The following USP47 variants were observed in gnomAD, a reference collection of about 807,000 sequenced individuals.
USP47 encodes the protein ubiquitin specific peptidase 47, also known as ubiquitin carboxyl-terminal hydrolase 47.
Under a neutral mutation model 165.1 loss-of-function variants are expected in USP47, and 35 were observed. The observed-to-expected ratio is 0.21, with a 90% CI of 0.16 to 0.28. The LOEUF (loss-of-function observed/expected upper bound fraction) is 0.28, where lower values mean the gene tolerates loss of function less well. Among genes scored for constraint, USP47 ranks in the 10% least tolerant of loss-of-function variants. The probability of loss-of-function intolerance (pLI) is 1.00; values close to 1 mark genes in which losing one functional copy is unlikely to be tolerated. For missense variants in USP47, 1,277 were observed against 1,607.4 expected (o/e 0.79, Z 3.52); for synonymous variants, 531 against 544.5 (o/e 0.98, Z 0.35).
chr11:11,871,100 T>G (rs1363462786), intron 1 of USP47, among the ~76,000 whole-genome samples: 1 of 152,150 alleles, frequency 6.6e-6, no homozygotes, highest in Non-Finnish European at 1.5e-5. Context: ...CTTCCTAAGG[T>G]TGGACCAGAG....
chr11:11,870,844 C>T (rs1849992113), intron 1 of USP47, among the ~76,000 whole-genome samples: 1 of 152,120 alleles, frequency 6.6e-6, no homozygotes, highest in South Asian at 2.1e-4. Context: ...TACATCAGTG[C>T]TTACATTTGT....
chr11:11,916,796 A>G (rs914498241), intron 8 of USP47, among the ~76,000 whole-genome samples: 1 of 152,178 alleles, frequency 6.6e-6, no homozygotes, highest in Non-Finnish European at 1.5e-5. Flanking sequence ...GGAAATGTCA[A>G]GTCTACCTTT....
chr11:11,950,634 G>T, intron 24 of USP47, 152 bp downstream of exon 24: 1 of 576,038 alleles, frequency 1.7e-6, no homozygotes, highest in South Asian at 2.6e-5. Flanking sequence ...TCCTTATTAT[G>T]GATTGATGTG....
chr11:11,842,021 G>A lies in USP47; in HGVS notation c.-165G>A. ...GGCGGCGGCGGCGGAGCCCTGGGTCGGTGTCTGCGCGCTGGTGTCTGAGGC... is the reference window on the plus strand; with the variant it reads ...GGCGGCGGCGGCGGAGCCCTGGGTCAGTGTCTGCGCGCTGGTGTCTGAGGC... On this transcript the variant is annotated 5_prime_UTR_variant, in exon 1 of 28. Transcript: ENST00000527733. The A allele has an allele frequency of 5.2e-6, 4 of 769,256 alleles. No individual in the cohort carries two copies. The highest frequency in any genetic ancestry group is 2.1e-5 in the South Asian group (1 of 48,322). 47.7% of individuals were successfully genotyped at this position (769,256 alleles called of 1,614,324 possible).
At position 11,884,970 on chromosome 11, in the gene USP47, A is replaced by G. The variant is rs149932499; in HGVS notation, c.357+390A>G. Among the ~76,000 whole-genome samples, 128 of 152,272 alleles carry G rather than the reference A, an allele frequency of 8.4e-4. 1 individual carries two copies. Among genetic ancestry groups the G allele is most frequent in the African/African-American group, 3.0e-3 (126 of 41,550 alleles). ...TTTGGTGGTTTTCATGAGGTTTTTC[A>G]GTATCTGCAAGAAGGTCATTTCCGT... On this transcript the variant is annotated intron_variant, in intron 3 of 27. Transcript: ENST00000527733.
At chr11:11,844,504 TC>T (rs1400497240) in intron 1 of USP47, among the ~76,000 whole-genome samples, 2 of 152,156 alleles carry the variant, frequency 1.3e-5, no homozygotes, top group Non-Finnish European at 2.9e-5. Context: ...AGTGACTTGT[TC>T]AGGGTCAAAT....
chr11:11,884,490 C>G lies in USP47; in HGVS notation c.267C>G (p.Asp89Glu). The G allele has an allele frequency of 6.2e-7, 1 of 1,608,878 alleles. No individual in the cohort carries two copies. Among genetic ancestry groups the G allele is most frequent in the Non-Finnish European group, 8.5e-7 (1 of 1,178,406 alleles). ...AGGCACCACTGGATCATACCAGTGACAAGTCACTTCTCGACGCTAATTTTG... is the reference window on the plus strand; with the variant it reads ...AGGCACCACTGGATCATACCAGTGAGAAGTCACTTCTCGACGCTAATTTTG... ...ADMAPLDHTSDKSLLDANFEP... is the reference protein window; with the variant it reads ...ADMAPLDHTSEKSLLDANFEP... Residue 89 changes from aspartate to glutamate, a missense_variant, in exon 3 of 28, where the codon GAC (aspartate) becomes GAG (glutamate). Physicochemically the swap from Asp to Glu is conservative, Grantham distance 45 (BLOSUM62 2). This residue lies in a region of USP47 where 181 missense variants were observed against 194.7 expected (regional missense o/e 0.93). Coordinates refer to ENST00000527733, the MANE Select transcript of USP47 (RefSeq NM_001282659.2).
chr11:11,926,309 G>A (rs1854237384), intron 11 of USP47, among the ~76,000 whole-genome samples: 1 of 152,072 alleles, frequency 6.6e-6, no homozygotes, highest in Non-Finnish European at 1.5e-5. Context: ...ACCTGGTCCT[G>A]GGGTTTTCTT....
chr11:11,851,893 G>T (rs56122873), intron 1 of USP47, among the ~76,000 whole-genome samples: 42,786 of 152,024 alleles, frequency 0.28, 6,880 homozygotes, highest in East Asian at 0.48. Flanking sequence ...TCACAGATGG[G>T]ATGTGTTCTT....
chr11:11,934,060 A>G, intron 16 of USP47, 125 bp downstream of exon 16: 3 of 686,350 alleles, frequency 4.4e-6, no homozygotes, highest in East Asian at 2.9e-5. Context: ...TGGTTAATTT[A>G]TCTCTTACCG....
At chr11:11,910,625 C>T (rs1161119586) in intron 8 of USP47, among the ~76,000 whole-genome samples, 1 of 151,982 alleles carries the variant, frequency 6.6e-6, no homozygotes, top group African/African-American at 2.4e-5. Context: ...AAGGTTATAT[C>T]AGCAGAGGCC....
chr11:11,903,948 T>C (rs989111789), intron 7 of USP47, among the ~76,000 whole-genome samples: 2 of 152,002 alleles, frequency 1.3e-5, no homozygotes, highest in Non-Finnish European at 2.9e-5. Flanking sequence ...GGGAAGAGTA[T>C]ATAAGGTAGC....
At chr11:11,940,657 C>T (rs1855405309) in intron 19 of USP47, 109 bp downstream of exon 19, 1 of 1,240,148 alleles carries the variant, frequency 8.1e-7, no homozygotes, top group African/African-American at 1.5e-5. Flanking sequence ...CTGTCTGGAA[C>T]TTAATTTAAA....
At chr11:11,874,269 T>C (rs555097128) in intron 1 of USP47, among the ~76,000 whole-genome samples, 1 of 152,350 alleles carries the variant, frequency 6.6e-6, no homozygotes, top group East Asian at 1.9e-4. Context: ...TTCCATGTGA[T>C]GTAGCATTCT....
intron 8 of USP47, 32 bp downstream of exon 8, chr11:11,905,580 C>A: frequency 6.4e-7 from 1 of 1,573,512 alleles, no homozygotes. Context: ...GCTTGTGTAT[C>A]CTTACACAGA....
At chr11:11,867,491 A>T (rs55659029) in intron 1 of USP47, among the ~76,000 whole-genome samples, 30,507 of 152,050 alleles carry the variant, frequency 0.2, 3,808 homozygotes, top group Non-Finnish European at 0.26. Flanking sequence ...AATATTTTAA[A>T]TGTGCTGTTA....
In USP47 at chr11:11,899,810, A is replaced by C. The variant is rs555590090; in HGVS notation, c.593+2117A>C. 7.9e-5 allele frequency among the ~76,000 whole-genome samples: 12 copies of C among 152,300 alleles called. No individual in the cohort carries two copies. The South Asian group carries it at 2.3e-3, about 29-fold the overall frequency. ...AGGAAGGCCTTGAGATTGTGAGAATAGAGTGAAGTTTATAGCAGGTGGGGA... is the reference window on the plus strand; with the variant it reads ...AGGAAGGCCTTGAGATTGTGAGAATCGAGTGAAGTTTATAGCAGGTGGGGA... On this transcript the variant is annotated intron_variant, in intron 5 of 27. Coordinates refer to ENST00000527733, the MANE Select transcript of USP47 (RefSeq NM_001282659.2).
At chr11:11,849,418 T>C (rs933271884) in intron 1 of USP47, among the ~76,000 whole-genome samples, 1 of 152,148 alleles carries the variant, frequency 6.6e-6, no homozygotes, top group Admixed American at 6.5e-5. Context: ...TGACATCTAG[T>C]GGGTAGAAGC....
intron 18 of USP47, among the ~76,000 whole-genome samples, chr11:11,938,657 A>ACT (rs1855248194): frequency 6.6e-6 from 1 of 152,024 alleles, no homozygotes; most frequent in African/African-American, 2.4e-5. Flanking sequence ...TAAACAGTAA[A>ACT]CACGAAAGTT....
Sources: gnomAD v4.1 joint callset for allele counts (sites outside exome capture counted in the v4.1 genomes callset) on GRCh38, gnomAD v4.1.1 for gene constraint, gnomAD v4.1.1 regional missense constraint, MANE v1.5 for transcripts, NCBI Gene and HGNC (gene_info 2026-07-23, HGNC 2026-07-21) for gene names.